ITGB8: variants seen among roughly 807,000 people sequenced by gnomAD.
ITGB8 encodes the protein integrin beta-8.
A neutral mutation model predicts 89.5 loss-of-function variants in ITGB8; 30 were observed. That is an observed-to-expected ratio of 0.34 (90% CI 0.25 to 0.45). ITGB8 has a LOEUF of 0.45. Ranked by LOEUF, ITGB8 falls within the 20% of genes least tolerant of loss-of-function variation. The pLI is 1.00. For synonymous variants in ITGB8, 335 were observed against 320.4 expected, an observed-to-expected ratio of 1.05 and a Z score of -0.49; for missense variants, 836 against 933.3, an observed-to-expected ratio of 0.90 and a Z score of 1.36.
chr7:20,370,259 A>G (rs977276821), intron 3 of ITGB8, among the ~76,000 whole-genome samples: 2 of 151,682 alleles, frequency 1.3e-5, no homozygotes, highest in African/African-American at 2.4e-5. Flanking sequence ...GTAAACCATA[A>G]TTATAGAAAA....
Position 20,358,709 on chromosome 7 carries a change from A to AT in ITGB8, c.128-4920dup, listed in dbSNP as rs534067936. Among the ~76,000 whole-genome samples the AT allele has an allele frequency of 2.3e-3, 350 of 151,952 alleles. 2 individuals are homozygous for AT. Among genetic ancestry groups the AT allele is most frequent in the African/African-American group, 8.1e-3 (336 of 41,448 alleles). ...TGAGCCACTGCGCCCAGCCAGCAGT[A>AT]TTTTTTTTAAACTTTTATTTTAGAT... On this transcript the variant is annotated intron_variant, in intron 1 of 13. Transcript: ENST00000222573.
At chr7:20,333,269 C>G (rs1033777171) in intron 1 of ITGB8, among the ~76,000 whole-genome samples, 1 of 152,050 alleles carries the variant, frequency 6.6e-6, no homozygotes, top group Non-Finnish European at 1.5e-5. Context: ...GAGTAAATCT[C>G]TTTATCTTGT....
chr7:20,395,036 C>G, intron 8 of ITGB8, 51 bp downstream of exon 8: 1 of 1,092,088 alleles, frequency 9.2e-7, no homozygotes, highest in Admixed American at 1.8e-5. Flanking sequence ...ACCTCAATTT[C>G]TGTGACAAGG....
chr7:20,398,651 C>T (rs1460602006), intron 8 of ITGB8, among the ~76,000 whole-genome samples: 1 of 152,096 alleles, frequency 6.6e-6, no homozygotes, highest in Non-Finnish European at 1.5e-5. Flanking sequence ...AATTTGAATG[C>T]AGATAATCTA....
chr7:20,354,489 C>G (rs985241235), intron 1 of ITGB8, among the ~76,000 whole-genome samples: 1 of 152,126 alleles, frequency 6.6e-6, no homozygotes, highest in African/African-American at 2.4e-5. Context: ...TCTTTGAAAA[C>G]AGGACGAAGT....
At chr7:20,362,236 A>G (rs1018960604) in intron 1 of ITGB8, among the ~76,000 whole-genome samples, 1 of 152,124 alleles carries the variant, frequency 6.6e-6, no homozygotes, top group South Asian at 2.1e-4. Flanking sequence ...AAGTTGAGAG[A>G]GAAAGAAAAA....
In ITGB8 at chr7:20,405,609, C is replaced by T. The variant is rs997090330; in HGVS notation, c.1914-453C>T. On this transcript the variant is annotated intron_variant, in intron 11 of 13. Coordinates refer to ENST00000222573, the MANE Select transcript of ITGB8 (RefSeq NM_002214.3). ...CTGGGATTACAGGCGTGAGCCACTG[C>T]GCCCGGCCTTATTTTTAATATTTTA... Among the ~76,000 whole-genome samples the T allele has an allele frequency of 2.0e-5, 3 of 151,884 alleles. No homozygotes were observed. The East Asian group carries it at 5.8e-4, about 29-fold the overall frequency.
Position 20,406,196 on chromosome 7 carries a change from G to A in ITGB8, c.2023+25G>A. 3 of 1,310,724 alleles carry A rather than the reference G, an allele frequency of 2.3e-6. No individual in the cohort carries two copies. In the South Asian group the frequency reaches 3.5e-5, roughly 15 times the overall value. The allele number at this position is 1,310,724 out of a possible 1,614,324, so 81.2% of individuals were successfully genotyped here. A position where few individuals can be genotyped will look rare whatever the true frequency, so the allele number is the denominator to read the frequency against. On this transcript the variant is annotated intron_variant, in intron 12 of 13. Transcript: ENST00000222573. ...GGTAGGCCAAAGCTTAATAATCAAA[G>A]CACAGAAGAGTGTCTGTAGAGGATG...
Position 20,414,329 on chromosome 7 carries a change from C to T in ITGB8, c.*4332C>T. On this transcript the variant is annotated 3_prime_UTR_variant, in exon 14 of 14. Coordinates refer to ENST00000222573, the MANE Select transcript of ITGB8 (RefSeq NM_002214.3). The stretch of plus-strand genomic sequence containing the variant: ...CGCATATCTTGAGTTTACAAAAGCT[C>T]TTTCAGGTCCCCATTTATACTTTAC... 1 of 152,164 alleles carries T rather than the reference C, an allele frequency of 6.6e-6. No homozygotes were observed. 9.4% of individuals were successfully genotyped at this position (152,164 alleles called of 1,614,324 possible). A position where few individuals can be genotyped will look rare whatever the true frequency, so the allele number is the denominator to read the frequency against.
rs1163233024 is a variant in ITGB8, at chr7:20,415,349, C to T, written c.*5352C>T. The T allele has an allele frequency of 1.3e-5, 2 of 151,548 alleles. No individual in the cohort carries two copies. The highest frequency in any genetic ancestry group is 2.9e-5 in the Non-Finnish European group (2 of 67,802). The allele number at this position is 151,548 out of a possible 1,614,324, so 9.4% of individuals were successfully genotyped here. A position where few individuals can be genotyped will look rare whatever the true frequency, so the allele number is the denominator to read the frequency against. ...CTTATTTTGTTTCACCTAACGAATACTGCGTTTGTAAAAATAAATTTAATA... is the reference window on the plus strand; with the variant it reads ...CTTATTTTGTTTCACCTAACGAATATTGCGTTTGTAAAAATAAATTTAATA... On this transcript the variant is annotated 3_prime_UTR_variant, in exon 14 of 14. Transcript: ENST00000222573.
rs1322281998 is a variant in ITGB8, at chr7:20,391,505, T to G, written c.1056+7T>G. 1.4e-6 allele frequency: 2 copies of G among 1,441,834 alleles called. No individual in the cohort carries two copies. The highest frequency in any genetic ancestry group is 4.2e-5 in the Admixed American group (2 of 47,412). 89.3% of individuals were successfully genotyped at this position (1,441,834 alleles called of 1,614,324 possible). A position where few individuals can be genotyped will look rare whatever the true frequency, so the allele number is the denominator to read the frequency against. ...ACAATTTCATTGGTATAAGGTATGT[T>G]AACTCTGAAAATGTTAAAATTAAAT... is the stretch of plus-strand genomic sequence containing the variant. On this transcript the variant is annotated splice_region_variant and intron_variant, in intron 7 of 13. Coordinates refer to ENST00000222573, the MANE Select transcript of ITGB8 (RefSeq NM_002214.3).
intron 2 of ITGB8, 164 bp from the exon 3 acceptor site, chr7:20,366,848 T>A (rs17455883): frequency 0.28 from 152,429 of 546,830 alleles, 23,799 homozygotes; most frequent in Middle Eastern, 0.33. Flanking sequence ...AAAGTTGGAG[T>A]AGGATTTTTG....
intron 1 of ITGB8, among the ~76,000 whole-genome samples, chr7:20,332,620 T>C (rs985585619): frequency 1.3e-5 from 2 of 152,244 alleles, no homozygotes; most frequent in Non-Finnish European, 2.9e-5. Flanking sequence ...AAGAGCTACC[T>C]TAATGTGGAG....
chr7:20,394,901 T>G lies in ITGB8; in HGVS notation c.1062T>G (p.Leu354=). ...GCTACTGATATGTTTTATAGGATCT[T>G]CTACCCCTCTTGCCAGGCACCATTG... ...QGKQFHWYKD[L]LPLLPGTIAG... is the part of the protein sequence containing the mutation. Residue 354 remains leucine, a synonymous_variant, in exon 8 of 14, where the codon CTT becomes CTG. Coordinates refer to ENST00000222573, the MANE Select transcript of ITGB8 (RefSeq NM_002214.3). 1 of 1,610,766 alleles carries G rather than the reference T, an allele frequency of 6.2e-7. No homozygotes were observed. The highest frequency in any genetic ancestry group is 8.5e-7 in the Non-Finnish European group (1 of 1,176,898).
At chr7:20,384,215 G>C (rs1328151953) in intron 6 of ITGB8, among the ~76,000 whole-genome samples, 1 of 152,134 alleles carries the variant, frequency 6.6e-6, no homozygotes, top group African/African-American at 2.4e-5. Context: ...TTTAAGACAA[G>C]TAATCAAACA....
chr7:20,353,537 C>T (rs1349244051), intron 1 of ITGB8, among the ~76,000 whole-genome samples: 10 of 151,736 alleles, frequency 6.6e-5, no homozygotes, highest in African/African-American at 1.5e-4. Flanking sequence ...CTGAGGATGG[C>T]GGCATTAAAA....
Position 20,414,808 on chromosome 7 carries a change from C to A in ITGB8, c.*4811C>A, listed in dbSNP as rs1336127714. Reference sequence around the variant, plus strand: ...TAAACCTGAGAGTAATAACACTACTCTTTTATCTACCTGGAATACTTTTCT... The same window carrying A: ...TAAACCTGAGAGTAATAACACTACTATTTTATCTACCTGGAATACTTTTCT... On this transcript the variant is annotated 3_prime_UTR_variant, in exon 14 of 14. Transcript: ENST00000222573. 6.6e-6 allele frequency: 1 copy of A among 152,516 alleles called. No homozygotes were observed. Among genetic ancestry groups the A allele is most frequent in the African/African-American group, 2.4e-5 (1 of 41,436 alleles). 9.4% of individuals were successfully genotyped at this position (152,516 alleles called of 1,614,324 possible). A position where few individuals can be genotyped will look rare whatever the true frequency, so the allele number is the denominator to read the frequency against.
At chr7:20,405,902 T>A (rs1469641548) in intron 11 of ITGB8, among the ~76,000 whole-genome samples, 160 bp from the exon 12 acceptor site, 1 of 152,254 alleles carries the variant, frequency 6.6e-6, no homozygotes, top group Non-Finnish European at 1.5e-5. Context: ...CATTTGGAAA[T>A]GCAATCCTTC....
rs752038779 is a variant in ITGB8 at position 20,379,085 on chromosome 7, T to G, written c.423T>G (p.Pro141=). 3.8e-6 allele frequency: 6 copies of G among 1,595,832 alleles called. No individual in the cohort carries two copies. The highest frequency in any genetic ancestry group is 2.6e-6 in the Non-Finnish European group (3 of 1,170,108). The change falls in exon 4 of 14, where the codon CCT becomes CCG. Residue 141 remains proline, a synonymous_variant. Coordinates refer to ENST00000222573, the MANE Select transcript of ITGB8 (RefSeq NM_002214.3). ...AEANFMLKVH[P]LKKYPVDLYY... ...CTAATTTTATGCTGAAAGTTCATCC[T>G]CTGAAGAAATATCCTGTGGATCTTT...
Sources: allele counts gnomAD v4.1 joint callset (sites outside exome capture counted in the v4.1 genomes callset), GRCh38; gene constraint gnomAD v4.1.1; transcripts MANE v1.5; gene names NCBI Gene and HGNC (gene_info 2026-07-23, HGNC 2026-07-21).